Variants in GPC5 observed in about 807,000 individuals in gnomAD.
GPC5 encodes the protein glypican 5.
Under a neutral mutation model 53.9 loss-of-function variants are expected in GPC5, and 47 were observed. That is an observed-to-expected ratio of 0.87 (90% CI 0.69 to 1.11). The LOEUF is 1.11. GPC5 is among the 50% of genes most tolerant of loss of function. The pLI, the probability that GPC5 is intolerant of heterozygous loss-of-function variation, is 0.00. For synonymous variants in GPC5, 286 were observed against 263.3 expected, an observed-to-expected ratio of 1.09 and a Z score of -0.84; for missense variants, 748 against 713.1, an observed-to-expected ratio of 1.05 and a Z score of -0.56.
intron 2 of GPC5, among the ~76,000 whole-genome samples, chr13:91,580,788 A>G (rs2032332294): frequency 6.6e-6 from 1 of 152,112 alleles, no homozygotes; most frequent in African/African-American, 2.4e-5. Context: ...TCTTGGTTCT[A>G]TATTATTTTG....
chr13:92,558,980 A>C (rs1052929739), intron 7 of GPC5, among the ~76,000 whole-genome samples: 1 of 151,918 alleles, frequency 6.6e-6, no homozygotes, highest in Non-Finnish European at 1.5e-5. Context: ...AGCAAGCATC[A>C]AAAAACACTC....
intron 2 of GPC5, among the ~76,000 whole-genome samples, chr13:91,492,464 C>G (rs541652770): frequency 6.6e-6 from 1 of 152,260 alleles, no homozygotes; most frequent in South Asian, 2.1e-4. Context: ...AAGTCCTGGT[C>G]TGAGTCTGTA....
chr13:91,497,828 G>A (rs531341956), intron 2 of GPC5, among the ~76,000 whole-genome samples: 1 of 152,148 alleles, frequency 6.6e-6, no homozygotes, highest in African/African-American at 2.4e-5. Flanking sequence ...TGGGTACATA[G>A]TAGGTGAATA....
At chr13:92,043,756 T>C (rs2138827803) in intron 6 of GPC5, among the ~76,000 whole-genome samples, 1 of 152,260 alleles carries the variant, frequency 6.6e-6, no homozygotes. Context: ...AAAAATCATG[T>C]ATATGTATAC....
At chr13:92,506,002 G>A (rs145303794) in intron 7 of GPC5, among the ~76,000 whole-genome samples, 1 of 152,116 alleles carries the variant, frequency 6.6e-6, no homozygotes, top group Non-Finnish European at 1.5e-5. Flanking sequence ...GAGAATGGGG[G>A]AATGGAATAT....
chr13:91,648,447 A>G (rs1461831959), intron 2 of GPC5, among the ~76,000 whole-genome samples: 1 of 151,956 alleles, frequency 6.6e-6, no homozygotes, highest in East Asian at 1.9e-4. Flanking sequence ...ATCTTAAACA[A>G]CAGAAAATTC....
chr13:92,298,226 G>A (rs1057145738), intron 7 of GPC5, among the ~76,000 whole-genome samples: 1 of 152,144 alleles, frequency 6.6e-6, no homozygotes, highest in African/African-American at 2.4e-5. Flanking sequence ...GCAGGGCTGA[G>A]AACTTGTCCT....
intron 6 of GPC5, among the ~76,000 whole-genome samples, chr13:91,945,916 C>T (rs1406899565): frequency 6.6e-6 from 1 of 152,078 alleles, no homozygotes; most frequent in Admixed American, 6.6e-5. Flanking sequence ...TCGGGGAATT[C>T]GCCTCTGAGC....
chr13:91,712,217 G>A (rs2036240260), intron 3 of GPC5, among the ~76,000 whole-genome samples: 1 of 151,888 alleles, frequency 6.6e-6, no homozygotes, highest in Admixed American at 6.6e-5. Flanking sequence ...TATGCACCGA[G>A]AATTATTATA....
chr13:92,291,702 T>C (rs528377002), intron 7 of GPC5, among the ~76,000 whole-genome samples: 1 of 152,310 alleles, frequency 6.6e-6, no homozygotes, highest in African/African-American at 2.4e-5. Flanking sequence ...CAATAAATCT[T>C]GCTGCTACTC....
chr13:91,418,829 G>A (rs1314613579), intron 1 of GPC5, among the ~76,000 whole-genome samples: 6 of 151,864 alleles, frequency 4.0e-5, no homozygotes, highest in African/African-American at 1.5e-4. Context: ...AGGAATAAGT[G>A]GATTCCAAAC....
intron 1 of GPC5, among the ~76,000 whole-genome samples, chr13:91,403,874 G>T (rs980816975): frequency 1.3e-5 from 2 of 151,496 alleles, no homozygotes; most frequent in African/African-American, 4.9e-5. Context: ...CCCTCATGGG[G>T]TTAATTATAA....
chr13:91,453,217 G>A (rs954842096), intron 2 of GPC5, among the ~76,000 whole-genome samples: 6 of 151,838 alleles, frequency 4.0e-5, no homozygotes, highest in African/African-American at 1.4e-4. Context: ...TATTTTTAAT[G>A]AAATGTAGGA....
At chr13:92,752,331 C>A (rs1457026748) in intron 7 of GPC5, among the ~76,000 whole-genome samples, 2 of 152,176 alleles carry the variant, frequency 1.3e-5, no homozygotes, top group East Asian at 3.8e-4. Flanking sequence ...TGCTCTGGTC[C>A]TCTTCAGAAC....
At chr13:92,567,257 A>C (rs564381211) in intron 7 of GPC5, among the ~76,000 whole-genome samples, 1 of 152,264 alleles carries the variant, frequency 6.6e-6, no homozygotes, top group Admixed American at 6.5e-5. Flanking sequence ...GTGCACAGAA[A>C]ACCCATCATC....
At chr13:92,814,604 T>C (rs1245711703) in intron 7 of GPC5, among the ~76,000 whole-genome samples, 1 of 150,562 alleles carries the variant, frequency 6.6e-6, no homozygotes, top group Non-Finnish European at 1.5e-5. Flanking sequence ...GAGGCTGCAG[T>C]GAGCCGAGAT....
chr13:92,331,080 T>A (rs940537131), intron 7 of GPC5, among the ~76,000 whole-genome samples: 48 of 152,278 alleles, frequency 3.2e-4, no homozygotes, highest in Non-Finnish European at 6.3e-4. Flanking sequence ...TAGATTTTTT[T>A]AAATATGTTA....
chr13:92,517,710 TA>T (rs1317868888), intron 7 of GPC5, among the ~76,000 whole-genome samples: 1 of 152,014 alleles, frequency 6.6e-6, no homozygotes, highest in Non-Finnish European at 1.5e-5. Context: ...CAAAGGTAGA[TA>T]AAACCACAAA....
intron 7 of GPC5, among the ~76,000 whole-genome samples, chr13:92,397,254 A>G (rs986491480): frequency 6.6e-6 from 1 of 151,362 alleles, no homozygotes; most frequent in African/African-American, 2.4e-5. Flanking sequence ...TGTGGGAGAT[A>G]ATTGAATCAT....
Sources: gnomAD v4.1 joint callset for allele counts (sites outside exome capture counted in the v4.1 genomes callset) on GRCh38, gnomAD v4.1.1 for gene constraint, MANE v1.5 for transcripts, NCBI Gene and HGNC (gene_info 2026-07-23, HGNC 2026-07-21) for gene names.